Variants in CSNK2A2 observed in about 807,000 individuals in gnomAD.
CSNK2A2 encodes the protein casein kinase 2 alpha 2.
Under a neutral mutation model 54.0 loss-of-function variants are expected in CSNK2A2, and 8 were observed. The observed-to-expected ratio is 0.15, with a 90% CI of 0.09 to 0.27. The LOEUF (loss-of-function observed/expected upper bound fraction) is 0.27. CSNK2A2 is among the 10% of genes least tolerant of loss of function. CSNK2A2 has a pLI of 1.00. For synonymous variants in CSNK2A2, 141 were observed against 153.9 expected (o/e 0.92, Z 0.62); for missense variants, 242 against 439.4 (o/e 0.55, Z 4.02).
chr16:58,164,044 G>A lies in CSNK2A2; in HGVS notation c.*17+10C>T, dbSNP rs1199851448. The A allele has an allele frequency of 1.9e-6, 3 of 1,599,792 alleles. No homozygotes were observed. Among genetic ancestry groups the A allele is most frequent in the African/African-American group, 1.3e-5 (1 of 74,720 alleles). On this transcript the variant is annotated intron_variant, in intron 11 of 11. Coordinates refer to ENST00000262506, the MANE Select transcript of CSNK2A2 (RefSeq NM_001896.4). ...GTTGGTTTTATTGGCAAGCATCAAT[G>A]CCGCATTACCCGTCGCTTTCCAGTC...
chr16:58,168,884 T>C (rs945852848), intron 5 of CSNK2A2, among the ~76,000 whole-genome samples, 191 bp from the exon 6 acceptor site: 2 of 151,612 alleles, frequency 1.3e-5, no homozygotes, highest in African/African-American at 4.8e-5. Context: ...CTACAGCTGG[T>C]AGAAAGGGGG....
intron 4 of CSNK2A2, among the ~76,000 whole-genome samples, chr16:58,176,760 T>C (rs1245749983): frequency 2.6e-5 from 4 of 152,208 alleles, no homozygotes; most frequent in African/African-American, 9.7e-5. Flanking sequence ...TCTATCTCCA[T>C]GCCACTGACT....
chr16:58,187,024 A>G (rs527377966), intron 2 of CSNK2A2, among the ~76,000 whole-genome samples, 168 bp from the exon 3 acceptor site: 75 of 152,222 alleles, frequency 4.9e-4, no homozygotes, highest in African/African-American at 1.7e-3. Context: ...GCTTGCCCAT[A>G]AGAACCTTTA....
At chr16:58,172,238 A>T (rs1173798031) in intron 5 of CSNK2A2, among the ~76,000 whole-genome samples, 1 of 150,752 alleles carries the variant, frequency 6.6e-6, no homozygotes, top group Non-Finnish European at 1.5e-5. Flanking sequence ...ACATACACAA[A>T]CATCCAAAAG....
At position 58,171,958 on chromosome 16, in the gene CSNK2A2, C is replaced by CATATATAT. The variant is rs71155247; in HGVS notation, c.429+2485_429+2492dup. On this transcript the variant is annotated intron_variant, in intron 5 of 11. Transcript: ENST00000262506. ...CATGTACCACTACACCTGGAGCATG[C>CATATATAT]ATATATATATATATATATATATTTT... 4.6e-3 allele frequency among the ~76,000 whole-genome samples: 143 copies of CATATATAT among 31,318 alleles called. 1 individual carries two copies. The highest frequency in any genetic ancestry group is 0.042 in the Middle Eastern group (2 of 48). 20.5% of individuals were successfully genotyped at this position (31,318 alleles called of 152,430 possible).
At chr16:58,174,351 T>A in intron 5 of CSNK2A2, 100 bp downstream of exon 5, 1 of 772,128 alleles carries the variant, frequency 1.3e-6, no homozygotes, top group Non-Finnish European at 2.1e-6. Flanking sequence ...ATCCTCTGGG[T>A]ATCAAGAAAC....
intron 11 of CSNK2A2, chr16:58,163,679 G>A (rs1409755007): frequency 6.4e-6 from 1 of 156,244 alleles, no homozygotes; most frequent in East Asian, 1.9e-4. Flanking sequence ...TTTCACCAAA[G>A]GAAACCCAGA....
chr16:58,168,159 A>G (rs1197354340), intron 6 of CSNK2A2, among the ~76,000 whole-genome samples: 3 of 152,078 alleles, frequency 2.0e-5, no homozygotes, highest in East Asian at 3.9e-4. Flanking sequence ...GGCTGGGGAC[A>G]CACATCCCAC....
chr16:58,187,834 C>T (rs1962229054), intron 2 of CSNK2A2, among the ~76,000 whole-genome samples: 1 of 152,248 alleles, frequency 6.6e-6, no homozygotes, highest in African/African-American at 2.4e-5. Flanking sequence ...GGGCAGGAAT[C>T]AAAGCTGGAA....
At chr16:58,188,316 C>T (rs887806962) in intron 2 of CSNK2A2, among the ~76,000 whole-genome samples, 2 of 152,198 alleles carry the variant, frequency 1.3e-5, no homozygotes, top group Non-Finnish European at 1.5e-5. Flanking sequence ...GCATGTTCCC[C>T]GACTCCACTT....
At chr16:58,174,123 A>T (rs1178665658) in intron 5 of CSNK2A2, 1 of 184,826 alleles carries the variant, frequency 5.4e-6, no homozygotes, top group Non-Finnish European at 1.1e-5. Context: ...ATCATTTTTT[A>T]AAAGTCATTA....
At chr16:58,171,340 G>T (rs1597113195) in intron 5 of CSNK2A2, among the ~76,000 whole-genome samples, 1 of 151,936 alleles carries the variant, frequency 6.6e-6, no homozygotes, top group African/African-American at 2.4e-5. Flanking sequence ...CTGACCAACA[G>T]GGTGAAACCC....
chr16:58,165,051 C>T (rs187071300), intron 10 of CSNK2A2, among the ~76,000 whole-genome samples: 169 of 152,296 alleles, frequency 1.1e-3, no homozygotes, highest in African/African-American at 3.8e-3. Context: ...TAAGCAAACA[C>T]GCAAAGTGAA....
intron 4 of CSNK2A2, among the ~76,000 whole-genome samples, chr16:58,174,871 C>T (rs921636204): frequency 2.0e-5 from 3 of 147,440 alleles, no homozygotes; most frequent in Non-Finnish European, 3.0e-5. Flanking sequence ...AGAAAACTAA[C>T]CCCACTGTAA....
At chr16:58,192,378 A>G (rs1962338743) in intron 2 of CSNK2A2, among the ~76,000 whole-genome samples, 1 of 152,190 alleles carries the variant, frequency 6.6e-6, no homozygotes, top group South Asian at 2.1e-4. Context: ...TAAAGGGATA[A>G]AACTATTAAA....
intron 6 of CSNK2A2, among the ~76,000 whole-genome samples, chr16:58,168,246 C>A (rs28552925): frequency 0.091 from 13,801 of 151,862 alleles, 1,747 homozygotes; most frequent in African/African-American, 0.29. Flanking sequence ...TTAGGGCCAA[C>A]AGAGTTGGAT....
intron 4 of CSNK2A2, among the ~76,000 whole-genome samples, chr16:58,178,411 A>C (rs1368718562): frequency 6.6e-6 from 1 of 151,896 alleles, no homozygotes; most frequent in Non-Finnish European, 1.5e-5. Context: ...CTGCCTCCTG[A>C]GTAGCTGGGA....
At chr16:58,193,953 T>A (rs1394252025) in intron 2 of CSNK2A2, among the ~76,000 whole-genome samples, 1 of 152,240 alleles carries the variant, frequency 6.6e-6, no homozygotes, top group East Asian at 1.9e-4. Context: ...TTCCTAAAAC[T>A]TTTTAGCAGC....
chr16:58,183,434 G>A (rs540004193), intron 4 of CSNK2A2, among the ~76,000 whole-genome samples: 57 of 150,854 alleles, frequency 3.8e-4, no homozygotes, highest in Admixed American at 3.0e-3. Flanking sequence ...AGAACCATCC[G>A]TCCTGATACC....
Sources: gnomAD v4.1 joint callset for allele counts (sites outside exome capture counted in the v4.1 genomes callset) on GRCh38, gnomAD v4.1.1 for gene constraint, MANE v1.5 for transcripts, NCBI Gene and HGNC (gene_info 2026-07-23, HGNC 2026-07-21) for gene names.